The following FRMD4B variants were observed in gnomAD, a reference collection of about 807,000 sequenced individuals.
The protein encoded by FRMD4B is FERM domain containing 4B.
In FRMD4B, 74 loss-of-function variants were observed where a neutral mutation model predicts 141.5. That is an observed-to-expected ratio of 0.52 (90% CI 0.43 to 0.63). The LOEUF is 0.63. Ranked by LOEUF, FRMD4B falls within the 30% of genes least tolerant of loss-of-function variation. The pLI is 0.00. For missense variants in FRMD4B, 1,366 were observed against 1,253.4 expected, an observed-to-expected ratio of 1.09 and a Z score of -1.36; for synonymous variants, 506 against 467.9, an observed-to-expected ratio of 1.08 and a Z score of -1.05.
At chr3:69,461,099 G>A (rs936700785) in intron 1 of FRMD4B, among the ~76,000 whole-genome samples, 9 of 152,162 alleles carry the variant, frequency 5.9e-5, no homozygotes, top group East Asian at 5.8e-4. Context: ...TCTTTCAATT[G>A]TGTTTAGATC....
chr3:69,288,131 T>G (rs990267388), intron 4 of FRMD4B, among the ~76,000 whole-genome samples: 2 of 152,256 alleles, frequency 1.3e-5, no homozygotes, highest in Non-Finnish European at 2.9e-5. Flanking sequence ...GTGTTGCTTA[T>G]TCTTTGAAAC....
intron 2 of FRMD4B, among the ~76,000 whole-genome samples, chr3:69,402,768 G>A (rs536305081): frequency 4.6e-5 from 7 of 152,258 alleles, no homozygotes; most frequent in Admixed American, 1.3e-4. Flanking sequence ...AGAATTATTG[G>A]CATCAGGAGA....
chr3:69,375,988 G>A (rs1703961840), intron 1 of FRMD4B, among the ~76,000 whole-genome samples: 1 of 152,086 alleles, frequency 6.6e-6, no homozygotes, highest in Non-Finnish European at 1.5e-5. Flanking sequence ...CATGCAATGG[G>A]ATATAGGGAT....
intron 3 of FRMD4B, among the ~76,000 whole-genome samples, chr3:69,304,317 C>T (rs1701317270): frequency 6.6e-6 from 1 of 151,878 alleles, no homozygotes; most frequent in South Asian, 2.1e-4. Flanking sequence ...AACCCTGTCT[C>T]TACTAAACAT....
chr3:69,523,714 T>C (rs1700889392), intron 1 of FRMD4B, among the ~76,000 whole-genome samples: 1 of 152,164 alleles, frequency 6.6e-6, no homozygotes, highest in African/African-American at 2.4e-5. Context: ...CTAACTAAGA[T>C]TGGGGTTCTG....
In FRMD4B at chr3:69,224,720, G is replaced by A. The variant is rs2107758513; in HGVS notation, c.582-30C>T. The A allele has an allele frequency of 3.6e-6, 4 of 1,100,060 alleles. No homozygotes were observed. In the East Asian group the frequency reaches 1.0e-4, roughly 28 times the overall value. 68.1% of individuals were successfully genotyped at this position (1,100,060 alleles called of 1,614,324 possible). On this transcript the variant is annotated intron_variant, in intron 7 of 22. Transcript: ENST00000398540. ...AAAGAAATGGAATATGGTAATGTCA[G>A]GTACTGTTATCCAAAAAATTATGCA...
At chr3:69,234,442 G>A (rs2093331246) in intron 7 of FRMD4B, among the ~76,000 whole-genome samples, 3 of 152,148 alleles carry the variant, frequency 2.0e-5, no homozygotes, top group African/African-American at 7.2e-5. Flanking sequence ...CACTGACCAA[G>A]ACCTGGGTGA....
chr3:69,180,246 CAA>C (rs71115658), intron 21 of FRMD4B, among the ~76,000 whole-genome samples: 1 of 101,030 alleles, frequency 9.9e-6, no homozygotes, highest in African/African-American at 3.8e-5. Context: ...CTTGTTTCTA[CAA>C]AAAAAAAAAA....
At chr3:69,473,612 C>G (rs1465655575) in intron 1 of FRMD4B, among the ~76,000 whole-genome samples, 5 of 152,092 alleles carry the variant, frequency 3.3e-5, no homozygotes, top group Non-Finnish European at 5.9e-5. Flanking sequence ...CTTTTATTTT[C>G]CCAACATCCT....
chr3:69,189,316 A>G (rs2092810594), intron 18 of FRMD4B, among the ~76,000 whole-genome samples: 1 of 152,106 alleles, frequency 6.6e-6, no homozygotes, highest in South Asian at 2.1e-4. Flanking sequence ...GCCTCTATGA[A>G]ACAACAAAAT....
intron 2 of FRMD4B, among the ~76,000 whole-genome samples, chr3:69,421,361 A>G (rs1704976125): frequency 6.6e-6 from 1 of 152,242 alleles, no homozygotes; most frequent in African/African-American, 2.4e-5. Flanking sequence ...GGGATTGTAC[A>G]TGCAAGTGCC....
intron 3 of FRMD4B, 78 bp from the exon 4 acceptor site, chr3:69,302,513 T>C (rs1701250848): frequency 2.3e-6 from 2 of 871,522 alleles, no homozygotes; most frequent in Admixed American, 2.0e-5. Context: ...GGCAAAGCTG[T>C]GGCGAAATAG....
rs530924307 is a variant in FRMD4B at position 69,298,279 on chromosome 3, T to A, written c.416+4064A>T. Among the ~76,000 whole-genome samples the A allele has an allele frequency of 1.3e-5, 2 of 152,366 alleles. 1 individual carries two copies. The highest frequency in any genetic ancestry group is 4.1e-4 in the South Asian group (2 of 4,830). On this transcript the variant is annotated intron_variant, in intron 4 of 22. Transcript: ENST00000398540. ...TTGCATAATGTTTTGCAAAATCATT[T>A]TGTATCCCCTGCTCTCTCCTCAATT...
At chr3:69,340,563 C>G (rs908758482) in intron 1 of FRMD4B, among the ~76,000 whole-genome samples, 1 of 152,174 alleles carries the variant, frequency 6.6e-6, no homozygotes, top group African/African-American at 2.4e-5. Context: ...TCAGAACACC[C>G]AGGGTTCAAA....
chr3:69,348,917 A>T (rs1469838881), intron 1 of FRMD4B, among the ~76,000 whole-genome samples: 1 of 148,262 alleles, frequency 6.7e-6, no homozygotes, highest in Non-Finnish European at 1.5e-5. Context: ...CCCCTTGACA[A>T]CTGGGATGCC....
intron 1 of FRMD4B, among the ~76,000 whole-genome samples, chr3:69,373,969 C>T (rs961925428): frequency 1.3e-5 from 2 of 152,114 alleles, no homozygotes; most frequent in East Asian, 3.9e-4. Context: ...CTCACCAACC[C>T]TGGTAGGTAG....
intron 11 of FRMD4B, 148 bp downstream of exon 11, chr3:69,216,115 C>G (rs1324673715): frequency 3.8e-6 from 2 of 528,094 alleles, no homozygotes; most frequent in Non-Finnish European, 6.9e-6. Context: ...TATCAGCCCA[C>G]TGCACTCCAG....
chr3:69,410,033 C>A (rs1184278708), intron 2 of FRMD4B, among the ~76,000 whole-genome samples: 2 of 152,190 alleles, frequency 1.3e-5, no homozygotes. Flanking sequence ...GCAATGCCAA[C>A]AAGAACTCCA....
intron 1 of FRMD4B, among the ~76,000 whole-genome samples, chr3:69,529,874 G>T (rs758899020): frequency 2.2e-4 from 33 of 152,278 alleles, no homozygotes; most frequent in Middle Eastern, 3.4e-3. Context: ...AGTAGTAGTG[G>T]AATTAGGAGA....
Sources: gnomAD v4.1 joint callset for allele counts (sites outside exome capture counted in the v4.1 genomes callset) on GRCh38, gnomAD v4.1.1 for gene constraint, MANE v1.5 for transcripts, NCBI Gene and HGNC (gene_info 2026-07-23, HGNC 2026-07-21) for gene names.